PCDH11Y: variants seen among roughly 807,000 people sequenced by gnomAD.
PCDH11Y encodes the protein protocadherin-11 Y-linked.
For synonymous variants in PCDH11Y, 9 were observed against 83.6 expected (o/e 0.11, Z 4.87); for missense variants, 12 against 224.8 (o/e 0.05, Z 6.05).
At chrY:5,120,666 T>C in intron 2 of PCDH11Y, among the ~76,000 whole-genome samples, 1 of 32,872 alleles carries the variant, frequency 3.0e-5, no homozygotes, top group Non-Finnish European at 7.5e-5. Context: ...ATTGACAATA[T>C]TGACTAAGTG....
intron 3 of PCDH11Y, among the ~76,000 whole-genome samples, chrY:5,569,797 CTG>C: frequency 3.0e-5 from 1 of 33,161 alleles, no homozygotes; most frequent in East Asian, 7.9e-4. Flanking sequence ...GAACTAATTT[CTG>C]TGTCAATTCT....
At chrY:5,567,776 A>G (rs2053436636) in intron 3 of PCDH11Y, among the ~76,000 whole-genome samples, 1 of 30,074 alleles carries the variant, frequency 3.3e-5, no homozygotes, top group Non-Finnish European at 7.9e-5. Flanking sequence ...ATCTAAATAC[A>G]TATATATACA....
At chrY:5,040,638 T>A in intron 3 of PCDH11Y, among the ~76,000 whole-genome samples, 1 of 30,883 alleles carries the variant, frequency 3.2e-5, no homozygotes, top group Non-Finnish European at 7.8e-5. Flanking sequence ...ATATGCTGAA[T>A]GAAGGCTAAT....
chrY:5,005,735 CTCT>C (rs2052538628), intron 1 of PCDH11Y, among the ~76,000 whole-genome samples: 1 of 33,198 alleles, frequency 3.0e-5, no homozygotes, highest in African/African-American at 1.2e-4. Context: ...CTTTTTCCTC[CTCT>C]AAGTCAGGTA....
chrY:5,221,614 A>G, intron 2 of PCDH11Y, among the ~76,000 whole-genome samples: 3 of 24,450 alleles, frequency 1.2e-4, no homozygotes, highest in Non-Finnish European at 9.2e-5. Flanking sequence ...GTTAGTATAT[A>G]AATTCGCAAC....
At chrY:5,243,931 G>C in intron 2 of PCDH11Y, among the ~76,000 whole-genome samples, 1 of 31,349 alleles carries the variant, frequency 3.2e-5, no homozygotes, top group African/African-American at 1.4e-4. Context: ...GGACCTGATA[G>C]ACATCTACAG....
chrY:5,225,873 G>A (rs2124653078), intron 2 of PCDH11Y, among the ~76,000 whole-genome samples: 1 of 31,879 alleles, frequency 3.1e-5, no homozygotes, highest in Non-Finnish European at 7.6e-5. Context: ...CTGATGATCA[G>A]TGATGTTGAG....
chrY:5,108,834 A>G (rs1602869136), downstream of PCDH11Y, among the ~76,000 whole-genome samples: 57 of 30,476 alleles, frequency 1.9e-3, no homozygotes, highest in African/African-American at 7.1e-3. Flanking sequence ...TTTATATTCA[A>G]TCAATATTTA....
chrY:5,149,573 A>AAC (rs368668672), intron 2 of PCDH11Y, among the ~76,000 whole-genome samples: 62 of 17,854 alleles, frequency 3.5e-3, no homozygotes, highest in Admixed American at 1.0e-2. Flanking sequence ...CACACACACA[A>AAC]ACACACACAC....
chrY:5,535,219 T>C (rs2053398741), intron 3 of PCDH11Y, among the ~76,000 whole-genome samples: 1 of 31,888 alleles, frequency 3.1e-5, no homozygotes, highest in African/African-American at 1.2e-4. Context: ...ATAGAATTTC[T>C]TTTTTCTTTT....
intron 2 of PCDH11Y, among the ~76,000 whole-genome samples, chrY:5,148,891 T>TA (rs2052860801): frequency 1.4e-3 from 44 of 32,248 alleles, no homozygotes; most frequent in Admixed American, 9.6e-3. Flanking sequence ...CATTGTAAAG[T>TA]AAAAAAAAAT....
In PCDH11Y at chrY:5,296,819, G is replaced by A. The variant is rs371623732; in HGVS notation, c.3129+196112G>A. ...AGAAATGCTGTCCAAGAGCCTAGGC[G>A]TGAACTCAGGAACCCCAAAAGACTG... On this transcript the variant is annotated intron_variant, in intron 2 of 4. Coordinates refer to the PCDH11Y transcript ENST00000400457. Among the ~76,000 whole-genome samples the A allele has an allele frequency of 1.3e-3, 41 of 31,214 alleles. No individual in the cohort carries two copies. In the South Asian group the frequency reaches 0.021, roughly 16 times the overall value. The allele number at this position is 31,214 out of a possible 37,273, so 83.7% of individuals were successfully genotyped here.
chrY:5,719,910 G>A, intron 4 of PCDH11Y, among the ~76,000 whole-genome samples: 1 of 33,899 alleles, frequency 2.9e-5, no homozygotes, highest in Non-Finnish European at 7.4e-5. Flanking sequence ...CCAAGACCAC[G>A]AGAACCCACC....
At chrY:5,505,491 A>T (rs2053358321) in intron 3 of PCDH11Y, among the ~76,000 whole-genome samples, 1 of 32,915 alleles carries the variant, frequency 3.0e-5, no homozygotes, top group South Asian at 6.7e-4. Context: ...TTCCCCCAAA[A>T]AAGTTAATGC....
At chrY:5,225,306 A>G (rs2052958730) in intron 2 of PCDH11Y, among the ~76,000 whole-genome samples, 1 of 16,787 alleles carries the variant, frequency 6.0e-5, no homozygotes, top group Non-Finnish European at 1.3e-4. Context: ...TCATTCTTCT[A>G]CTCTCTATCC....
intron 2 of PCDH11Y, among the ~76,000 whole-genome samples, chrY:5,296,666 G>T (rs2053075020): frequency 3.1e-5 from 1 of 31,885 alleles, no homozygotes. Flanking sequence ...GTCCATGGGG[G>T]ATTTCTTCCA....
intron 2 of PCDH11Y, among the ~76,000 whole-genome samples, chrY:5,353,097 G>A: frequency 6.6e-5 from 2 of 30,099 alleles, no homozygotes; most frequent in East Asian, 1.7e-3. Flanking sequence ...CTGCCTCCCG[G>A]GTTCAAGTGA....
chrY:5,371,913 A>G, intron 2 of PCDH11Y, among the ~76,000 whole-genome samples: 1 of 32,752 alleles, frequency 3.1e-5, no homozygotes, highest in Non-Finnish European at 7.5e-5. Context: ...AAATAAATAA[A>G]TACTCAGAGA....
At position 5,680,506 on chromosome Y, in the gene PCDH11Y, G is replaced by C. The variant is rs1602959255; in HGVS notation, c.3353-56766G>C. On this transcript the variant is annotated intron_variant, in intron 4 of 4. Transcript: ENST00000400457. ...CAAATGAACTAAATAAGGCACCGGG[G>C]ACCAATCCTAGAAAAATAGAGATAT... Among the ~76,000 whole-genome samples the C allele has an allele frequency of 3.0e-4, 10 of 33,159 alleles. No individual in the cohort carries two copies. The East Asian group carries it at 4.9e-3, about 16-fold the overall frequency. 89.0% of individuals were successfully genotyped at this position (33,159 alleles called of 37,273 possible).
Sources: gnomAD v4.1 joint callset for allele counts (sites outside exome capture counted in the v4.1 genomes callset) on GRCh38, gnomAD v4.1.1 for gene constraint, MANE v1.5 for transcripts, NCBI Gene and HGNC (gene_info 2026-07-23, HGNC 2026-07-21) for gene names.